Variants in ABHD2 observed in about 807,000 individuals in gnomAD.
ABHD2 encodes monoacylglycerol lipase ABHD2.
In ABHD2, 20 loss-of-function variants were observed where a neutral mutation model predicts 48.1. That is an observed-to-expected ratio of 0.42 (90% CI 0.29 to 0.60). The LOEUF (loss-of-function observed/expected upper bound fraction) is 0.60. ABHD2 is among the 20% of genes least tolerant of loss of function. The pLI is 0.24. For synonymous variants in ABHD2, 209 were observed against 214.2 expected (o/e 0.98, Z 0.21); for missense variants, 405 against 550.9 (o/e 0.74, Z 2.65).
the ABHD2 span, among the ~76,000 whole-genome samples, chr15:89,051,717 G>C: frequency 6.6e-6 from 1 of 152,156 alleles, no homozygotes; most frequent in Admixed American, 6.6e-5. Flanking sequence ...GCTCTCTCTT[G>C]CCTGCTGCCA....
At chr15:89,165,273 A>G (rs1596136323) in intron 5 of ABHD2, among the ~76,000 whole-genome samples, 4 of 152,304 alleles carry the variant, frequency 2.6e-5, no homozygotes, top group African/African-American at 7.2e-5. Context: ...TACATGCTAC[A>G]TTTTAACCTT....
At chr15:89,122,772 T>C (rs1596084571) in intron 3 of ABHD2, among the ~76,000 whole-genome samples, 2 of 152,244 alleles carry the variant, frequency 1.3e-5, no homozygotes, top group East Asian at 3.9e-4. Flanking sequence ...CATACTGCCC[T>C]GTGGGAAGCC....
Position 89,177,959 on chromosome 15 carries a change from C to T in ABHD2, c.722+1964C>T, listed in dbSNP as rs765513327. 2.0e-5 allele frequency among the ~76,000 whole-genome samples: 3 copies of T among 152,194 alleles called. No homozygotes were observed. Among genetic ancestry groups the T allele is most frequent in the Non-Finnish European group, 4.4e-5 (3 of 68,046 alleles). ...CAGCAAGAGCACATGATTGACGCAG[C>T]AAGCTAAGGTGTTTGAACTAAGGCA... On this transcript the variant is annotated intron_variant, in intron 6 of 10. Coordinates refer to ENST00000352732, the MANE Select transcript of ABHD2 (RefSeq NM_152924.5). The surrounding 1 kb of genome is among the most constrained non-coding windows in gnomAD (Gnocchi z 5.6).
Position 89,151,851 on chromosome 15 carries a change from A to C in ABHD2, c.369A>C (p.Gly123=), listed in dbSNP as rs766510836. The C allele has an allele frequency of 4.3e-6, 7 of 1,613,772 alleles. No homozygotes were observed. In the South Asian group the frequency reaches 7.7e-5, roughly 18 times the overall value. ...LFEPLAEHCV[G]DDITMVICPG... The stretch of plus-strand genomic sequence containing the variant: ...AGCCCTTGGCTGAGCACTGTGTTGG[A>C]GGTGAGCTGCTTTAGATTGTGTGAT... Residue 123 remains glycine, a splice_region_variant and synonymous_variant, in exon 4 of 11, where the codon GGA becomes GGC. Coordinates refer to ENST00000352732, the MANE Select transcript of ABHD2 (RefSeq NM_152924.5). This position sits in a 1 kb window ranked among gnomAD's most constrained non-coding sequence, Gnocchi z 4.7.
At position 89,102,336 on chromosome 15, in the gene ABHD2, G is replaced by T. The variant is rs532321132; in HGVS notation, c.-106-11389G>T. ...GTACTTCATTATATACAGATTTGTT[G>T]TACTATTTTCCAATTGTTTTATGGA... On this transcript the variant is annotated intron_variant, in intron 1 of 10. Coordinates refer to ENST00000352732, the MANE Select transcript of ABHD2 (RefSeq NM_152924.5). The surrounding 1 kb of genome is among the most constrained non-coding windows in gnomAD (Gnocchi z 4.8). 10 of 152,100 alleles carry T rather than the reference G, an allele frequency of 6.6e-5. No homozygotes were observed. The highest frequency in any genetic ancestry group is 3.3e-4 in the Admixed American group (5 of 15,278). The allele number at this position is 152,100 out of a possible 1,614,324, so 9.4% of individuals were successfully genotyped here.
rs750633826 is a variant in ABHD2 at position 89,188,339 on chromosome 15, G to A, written c.926+36G>A. 6.0e-5 allele frequency: 96 copies of A among 1,593,872 alleles called. No individual in the cohort carries two copies. The highest frequency in any genetic ancestry group is 1.7e-4 in the Middle Eastern group (1 of 5,982). On this transcript the variant is annotated intron_variant, in intron 8 of 10. Coordinates refer to ENST00000352732, the MANE Select transcript of ABHD2 (RefSeq NM_152924.5). The surrounding 1 kb of genome is among the most constrained non-coding windows in gnomAD (Gnocchi z 4.1). ...GCAGGCGGGAGAGGGACGCTCTGGG[G>A]CAGGGTGCCAGGCAGGAGGCTGCAG... is the stretch of plus-strand genomic sequence containing the variant.
intron 3 of ABHD2, among the ~76,000 whole-genome samples, chr15:89,142,362 C>G (rs2050417535): frequency 6.6e-6 from 1 of 152,184 alleles, no homozygotes; most frequent in Non-Finnish European, 1.5e-5. Flanking sequence ...GATGCTAGAA[C>G]CACTGAGATT....
At chr15:89,117,702 C>T (rs1002913312) in intron 3 of ABHD2, among the ~76,000 whole-genome samples, 1 of 152,222 alleles carries the variant, frequency 6.6e-6, no homozygotes, top group Non-Finnish European at 1.5e-5. Flanking sequence ...AGAAGCTCTT[C>T]CCTGCATCCT....
the ABHD2 span, among the ~76,000 whole-genome samples, chr15:89,042,931 G>A: frequency 6.6e-6 from 1 of 152,080 alleles, no homozygotes; most frequent in African/African-American, 2.4e-5. Context: ...ACTTCCCAAA[G>A]TGCTGGTATT....
intron 3 of ABHD2, among the ~76,000 whole-genome samples, chr15:89,149,351 G>A (rs1358356338): frequency 1.3e-5 from 2 of 151,974 alleles, no homozygotes; most frequent in Non-Finnish European, 2.9e-5. Flanking sequence ...ACATTATTAT[G>A]GCACATATTA....
the ABHD2 span, among the ~76,000 whole-genome samples, chr15:89,064,544 A>G: frequency 6.6e-6 from 1 of 151,990 alleles, no homozygotes; most frequent in African/African-American, 2.4e-5. Context: ...GTGTTCTTAT[A>G]TTTATCTGTT....
In ABHD2 at chr15:89,104,662, T is replaced by G. The variant is rs1204966530; in HGVS notation, c.-106-9063T>G. 1.3e-5 allele frequency among the ~76,000 whole-genome samples: 2 copies of G among 152,224 alleles called. No individual in the cohort carries two copies. The highest frequency in any genetic ancestry group is 2.4e-5 in the African/African-American group (1 of 41,458). ...TCTGTTGCAGGTCTGGGTGAAACTT[T>G]CTTCTTTGCCTGCCTTAGGGAGTTA... On this transcript the variant is annotated intron_variant, in intron 1 of 10. Coordinates refer to ENST00000352732, the MANE Select transcript of ABHD2 (RefSeq NM_152924.5). This position sits in a 1 kb window ranked among gnomAD's most constrained non-coding sequence, Gnocchi z 4.4.
At position 89,195,168 on chromosome 15, in the gene ABHD2, C is replaced by T. The variant is rs897285107; in HGVS notation, c.1082-59C>T. ...CTACCCTAGCCAGCTCACCTCTGCACCTCCTGTCCTGGAGCAAACTAGAGA... is the reference window on the plus strand; with the variant it reads ...CTACCCTAGCCAGCTCACCTCTGCATCTCCTGTCCTGGAGCAAACTAGAGA... On this transcript the variant is annotated intron_variant, in intron 10 of 10. Transcript: ENST00000352732. This position sits in a 1 kb window ranked among gnomAD's most constrained non-coding sequence, Gnocchi z 5.1. 1.3e-6 allele frequency: 2 copies of T among 1,568,270 alleles called. No individual in the cohort carries two copies. Among genetic ancestry groups the T allele is most frequent in the Non-Finnish European group, 8.7e-7 (1 of 1,154,948 alleles).
At chr15:89,148,209 G>T (rs920887046) in intron 3 of ABHD2, among the ~76,000 whole-genome samples, 5 of 151,468 alleles carry the variant, frequency 3.3e-5, no homozygotes, top group Admixed American at 6.6e-5. Flanking sequence ...ATAGATAATG[G>T]CTTAATGTAG....
Position 89,201,129 on chromosome 15 carries a change from G to T in ABHD2, c.*5706G>T, listed in dbSNP as rs113106926. 2.6e-6 allele frequency: 3 copies of T among 1,171,472 alleles called. No homozygotes were observed. The allele number at this position is 1,171,472 out of a possible 1,614,324, so 72.6% of individuals were successfully genotyped here. On this transcript the variant is annotated 3_prime_UTR_variant, in exon 11 of 11. Transcript: ENST00000352732. The stretch of plus-strand genomic sequence containing the variant: ...GTGAAAATGGCTGCAATTACAACAA[G>T]AAGTGAAGGAAGAAGACTGGTGACA...
the ABHD2 span, among the ~76,000 whole-genome samples, chr15:89,066,120 CAATATTT>C: frequency 6.6e-6 from 1 of 152,088 alleles, no homozygotes; most frequent in Non-Finnish European, 1.5e-5. Flanking sequence ...GAAAGCTATG[CAATATTT>C]AGGATTTTTT....
At chr15:89,052,550 G>GC in the ABHD2 span, among the ~76,000 whole-genome samples, 1 of 107,346 alleles carries the variant, frequency 9.3e-6, no homozygotes, top group African/African-American at 3.0e-5. Flanking sequence ...CAGACAGACA[G>GC]ACAGACAGAC....
At chr15:89,105,797 C>T (rs994493407) in intron 1 of ABHD2, among the ~76,000 whole-genome samples, 1 of 152,080 alleles carries the variant, frequency 6.6e-6, no homozygotes, top group Admixed American at 6.5e-5. Context: ...AGGATTGGCC[C>T]TATTGTTTCC....
intron 5 of ABHD2, among the ~76,000 whole-genome samples, chr15:89,159,298 A>C (rs1013846232): frequency 2.6e-5 from 4 of 151,832 alleles, no homozygotes; most frequent in African/African-American, 9.7e-5. Context: ...AATCACTTGA[A>C]CCCAGGAGGC....
Sources: allele counts gnomAD v4.1 joint callset (sites outside exome capture counted in the v4.1 genomes callset), GRCh38; gene constraint gnomAD v4.1.1; non-coding constraint Gnocchi (gnomAD v3.1); transcripts MANE v1.5; gene names NCBI Gene and HGNC (gene_info 2026-07-23, HGNC 2026-07-21).